The following KCNJ12 variants were observed in gnomAD, a reference collection of about 807,000 sequenced individuals.
KCNJ12 encodes potassium inwardly rectifying channel subfamily J member 12.
In KCNJ12, 2 loss-of-function variants were observed where a neutral mutation model predicts 22.3. The observed-to-expected ratio is 0.09, with a 90% confidence interval of 0.04 to 0.28. The LOEUF (loss-of-function observed/expected upper bound fraction) is 0.28. Among genes scored for constraint, KCNJ12 ranks in the 10% least tolerant of loss-of-function variants. KCNJ12 has a pLI of 1.00. For synonymous variants in KCNJ12, 117 were observed against 261.4 expected, an observed-to-expected ratio of 0.45 and a Z score of 5.33; for missense variants, 155 against 633.3, an observed-to-expected ratio of 0.24 and a Z score of 8.11.
At chr17:21,377,364 G>C (rs1358008334) in intron 1 of KCNJ12, among the ~76,000 whole-genome samples, 1 of 152,180 alleles carries the variant, frequency 6.6e-6, no homozygotes, top group Non-Finnish European at 1.5e-5. Flanking sequence ...TATATGAGCC[G>C]CCCCGAGAAT....
chr17:21,399,689 C>T (rs1905505190), intron 1 of KCNJ12, among the ~76,000 whole-genome samples: 1 of 152,140 alleles, frequency 6.6e-6, no homozygotes, highest in Non-Finnish European at 1.5e-5. Flanking sequence ...CCAAGCCAGA[C>T]TTGGAGTGAC....
At position 21,418,145 on chromosome 17, in the gene KCNJ12, G is replaced by A. The variant is rs1353452738; in HGVS notation, c.*1501G>A. ...ACTGCTGGCTCTGCCACCCCATCTT[G>A]TTCATGGCAGCTGGTTGGGTCAGGT... On this transcript the variant is annotated 3_prime_UTR_variant, in exon 3 of 3. Coordinates refer to ENST00000583088, the MANE Select transcript of KCNJ12 (RefSeq NM_021012.5). 4 of 167,076 alleles carry A rather than the reference G, an allele frequency of 2.4e-5. No individual in the cohort carries two copies. Among genetic ancestry groups the A allele is most frequent in the African/African-American group, 9.7e-5 (4 of 41,412 alleles). The allele number at this position is 167,076 out of a possible 1,614,324, so 10.3% of individuals were successfully genotyped here. A position where few individuals can be genotyped will look rare whatever the true frequency, so the allele number is the denominator to read the frequency against.
intron 1 of KCNJ12, among the ~76,000 whole-genome samples, chr17:21,391,697 C>T (rs1402749474): frequency 6.6e-6 from 1 of 152,236 alleles, no homozygotes. Context: ...TCATGTCTAG[C>T]CCAGGCCTTT....
chr17:21,412,180 G>A (rs1364662675), intron 2 of KCNJ12, among the ~76,000 whole-genome samples: 2 of 152,302 alleles, frequency 1.3e-5, no homozygotes, highest in African/African-American at 4.8e-5. Context: ...AGGGAGTGGG[G>A]CATGAACTTG....
At chr17:21,408,163 A>T (rs1555561270) in intron 1 of KCNJ12, among the ~76,000 whole-genome samples, 1 of 152,306 alleles carries the variant, frequency 6.6e-6, no homozygotes, top group Admixed American at 6.5e-5. Context: ...CACATTAACT[A>T]CTTCTCTGGA....
At chr17:21,397,499 T>C (rs1905408491) in intron 1 of KCNJ12, among the ~76,000 whole-genome samples, 1 of 152,166 alleles carries the variant, frequency 6.6e-6, no homozygotes, top group Admixed American at 6.5e-5. Context: ...TAGGGAAGCG[T>C]CTGTGGGTCG....
At chr17:21,398,559 G>C (rs1567700323) in intron 1 of KCNJ12, among the ~76,000 whole-genome samples, 2 of 152,094 alleles carry the variant, frequency 1.3e-5, no homozygotes, top group Non-Finnish European at 1.5e-5. Context: ...CTGGAGCCCA[G>C]GTATCCTCAG....
At chr17:21,393,121 C>A in intron 1 of KCNJ12, among the ~76,000 whole-genome samples, 1 of 152,188 alleles carries the variant, frequency 6.6e-6, no homozygotes, top group East Asian at 1.9e-4. Context: ...CCTTGCCCTC[C>A]CCTGCCCTCC....
At chr17:21,383,004 C>T (rs1420796778) in intron 1 of KCNJ12, among the ~76,000 whole-genome samples, 2 of 151,946 alleles carry the variant, frequency 1.3e-5, no homozygotes, top group East Asian at 2.0e-4. Flanking sequence ...AAGGCTGGGG[C>T]GCAGCCTTGA....
chr17:21,380,863 G>GA, intron 1 of KCNJ12, among the ~76,000 whole-genome samples: 1 of 146,092 alleles, frequency 6.8e-6, no homozygotes, highest in Admixed American at 6.8e-5. Flanking sequence ...GTGGGCCCCA[G>GA]TGCAGGCCTC....
intron 1 of KCNJ12, among the ~76,000 whole-genome samples, chr17:21,407,106 T>G (rs1905992730): frequency 6.6e-6 from 1 of 152,282 alleles, no homozygotes; most frequent in South Asian, 2.1e-4. Flanking sequence ...CATCTAGTCA[T>G]CTATCCTACT....
chr17:21,381,043 G>C (rs1904847990), intron 1 of KCNJ12, among the ~76,000 whole-genome samples: 1 of 152,226 alleles, frequency 6.6e-6, no homozygotes, highest in African/African-American at 2.4e-5. Flanking sequence ...ATTGGACATG[G>C]TTCCATTTGC....
At chr17:21,381,457 C>A (rs978288562) in intron 1 of KCNJ12, among the ~76,000 whole-genome samples, 29 of 152,110 alleles carry the variant, frequency 1.9e-4, no homozygotes, top group South Asian at 4.1e-4. Context: ...TCTGGCCTCA[C>A]TTCCAGGACT....
Position 21,415,342 on chromosome 17 carries a change from G to A in KCNJ12, c.-1G>A, listed in dbSNP as rs782411406. Reference sequence around the variant, plus strand: ...CGAGCCAGGGTCCCCCAACCCCCGGGATGACCGCGGCCAGCCGGGCCAACC... The same window carrying A: ...CGAGCCAGGGTCCCCCAACCCCCGGAATGACCGCGGCCAGCCGGGCCAACC... On this transcript the variant is annotated 5_prime_UTR_variant, in exon 3 of 3. Coordinates refer to ENST00000583088, the MANE Select transcript of KCNJ12 (RefSeq NM_021012.5). The A allele has an allele frequency of 6.2e-7, 1 of 1,605,960 alleles. No homozygotes were observed. The highest frequency in any genetic ancestry group is 2.2e-5 in the East Asian group (1 of 44,872).
chr17:21,382,107 G>T (rs2144761808), intron 1 of KCNJ12, among the ~76,000 whole-genome samples: 1 of 152,328 alleles, frequency 6.6e-6, no homozygotes, highest in Non-Finnish European at 1.5e-5. Flanking sequence ...TGGCTGAGTG[G>T]GAGGGAGTTG....
In KCNJ12 at chr17:21,403,866, C is replaced by T. The variant is rs782462124; in HGVS notation, c.-178-4653C>T. On this transcript the variant is annotated intron_variant, in intron 1 of 2. Transcript: ENST00000583088. ...GAGAGGTTATGTGGCTTGCCCAAGG[C>T]CACACAGGAAGGGATGGAGACAGGA... Among the ~76,000 whole-genome samples, 114 of 152,414 alleles carry T rather than the reference C, an allele frequency of 7.5e-4. No homozygotes were observed. In the Middle Eastern group the frequency reaches 0.017, roughly 23 times the overall value.
At chr17:21,396,370 C>T (rs1281896827) in intron 1 of KCNJ12, among the ~76,000 whole-genome samples, 1 of 152,202 alleles carries the variant, frequency 6.6e-6, no homozygotes, top group Non-Finnish European at 1.5e-5. Context: ...TCCCACTTTG[C>T]AGACGACGTT....
intron 1 of KCNJ12, among the ~76,000 whole-genome samples, chr17:21,383,065 G>A (rs1904933514): frequency 6.6e-6 from 1 of 152,306 alleles, no homozygotes; most frequent in Non-Finnish European, 1.5e-5. Context: ...TGGGGACTTG[G>A]CAGGGGAGGG....
At chr17:21,388,361 G>A (rs995075834) in intron 1 of KCNJ12, among the ~76,000 whole-genome samples, 2 of 152,310 alleles carry the variant, frequency 1.3e-5, no homozygotes, top group African/African-American at 4.8e-5. Context: ...CGTGGAGCCC[G>A]AGAGTGTGGC....
Sources: allele counts gnomAD v4.1 joint callset (sites outside exome capture counted in the v4.1 genomes callset), GRCh38; gene constraint gnomAD v4.1.1; transcripts MANE v1.5; gene names NCBI Gene and HGNC (gene_info 2026-07-23, HGNC 2026-07-21).